The following PAPLN variants were observed in gnomAD, a reference collection of about 807,000 sequenced individuals.
The protein encoded by PAPLN is papilin.
Under a neutral mutation model 159.0 loss-of-function variants are expected in PAPLN, and 146 were observed. That is an observed-to-expected ratio of 0.92 (90% CI 0.80 to 1.05). The LOEUF (loss-of-function observed/expected upper bound fraction) is 1.05, where lower values mean the gene tolerates loss of function less well. Among genes scored for constraint, PAPLN ranks in the 50% least tolerant of loss-of-function variants. The pLI is 0.00. For synonymous variants in PAPLN, 734 were observed against 702.9 expected, an observed-to-expected ratio of 1.04 and a Z score of -0.70; for missense variants, 1,720 against 1,743.9, an observed-to-expected ratio of 0.99 and a Z score of 0.24.
chr14:73,247,736 G>C (rs1173176318), intron 5 of PAPLN, among the ~76,000 whole-genome samples: 1 of 119,312 alleles, frequency 8.4e-6, no homozygotes, highest in Admixed American at 8.1e-5. Context: ...TCCTCTGTGC[G>C]TGTGTGTGTG....
Position 73,268,735 on chromosome 14 carries a change from C to G in PAPLN, c.3667+12C>G. On this transcript the variant is annotated intron_variant, in intron 26 of 26. Coordinates refer to ENST00000644200, the MANE Select transcript of PAPLN (RefSeq NM_001365906.3). Reference sequence around the variant, plus strand: ...GGTGGTCTCACCAGGTAGGAAAGGTCTATATCCGGGGATGGGAAGGACATT... The same window carrying G: ...GGTGGTCTCACCAGGTAGGAAAGGTGTATATCCGGGGATGGGAAGGACATT... The G allele has an allele frequency of 6.3e-7, 1 of 1,596,520 alleles. No homozygotes were observed. Among genetic ancestry groups the G allele is most frequent in the Non-Finnish European group, 8.5e-7 (1 of 1,170,664 alleles).
Position 73,252,130 on chromosome 14 carries a change from A to C in PAPLN, c.956A>C (p.Glu319Ala). 6.2e-7 allele frequency: 1 copy of C among 1,604,490 alleles called. No individual in the cohort carries two copies. Among genetic ancestry groups the C allele is most frequent in the Non-Finnish European group, 8.5e-7 (1 of 1,175,592 alleles). ...SHGSWSDCSA[E>A]CGGGHQSRLV... Reference sequence around the variant, plus strand: ...GGCTCATGGAGTGACTGCAGCGCGGAGTGTGGCGGAGGTGCGGGCGTGGAT... The same window carrying C: ...GGCTCATGGAGTGACTGCAGCGCGGCGTGTGGCGGAGGTGCGGGCGTGGAT... Residue 319 changes from glutamate to alanine, a missense_variant, in exon 10 of 27, where the codon GAG (glutamate) becomes GCG (alanine). Physicochemically the swap from Glu to Ala is moderately radical, Grantham distance 107. Transcript: ENST00000644200.
At position 73,254,615 on chromosome 14, in the gene PAPLN, C is replaced by A. The variant is rs148526413; in HGVS notation, c.1405C>A (p.Pro469Thr). ...HTAACSLEDR[P>T]PLTEPCVHED... ...CGCAGCGTGCTCCTTGGAAGACCGG[C>A]CACCTCTGACTGAGCCCTGTGTGCA... Residue 469 changes from proline to threonine, a missense_variant, in exon 13 of 27, where the codon CCA becomes ACA. Coordinates refer to ENST00000644200, the MANE Select transcript of PAPLN (RefSeq NM_001365906.3). 2 of 1,614,030 alleles carry A rather than the reference C, an allele frequency of 1.2e-6. No individual in the cohort carries two copies. The highest frequency in any genetic ancestry group is 3.3e-5 in the Admixed American group (2 of 60,016).
At position 73,246,185 on chromosome 14, in the gene PAPLN, G is replaced by T. The variant is rs1478638603; in HGVS notation, c.334+10G>T. On this transcript the variant is annotated intron_variant, in intron 5 of 26. Coordinates refer to ENST00000644200, the MANE Select transcript of PAPLN (RefSeq NM_001365906.3). ...CTGCCCTACTACAGCGGTGAGCGCG[G>T]CCGGGACTCGCTCTCTCGGGGCCTC... 1.9e-6 allele frequency: 3 copies of T among 1,564,746 alleles called. No individual in the cohort carries two copies. The highest frequency in any genetic ancestry group is 1.2e-5 in the South Asian group (1 of 85,260).
rs562890068 is a variant in PAPLN, at chr14:73,257,753, CTTTTTTTTTT to C, written c.1628-1207_1628-1198del. Among the ~76,000 whole-genome samples the C allele has an allele frequency of 7.8e-3, 712 of 91,274 alleles. 6 individuals are homozygous for C. The highest frequency in any genetic ancestry group is 0.024 in the African/African-American group (595 of 24,690). The allele number at this position is 91,274 out of a possible 152,430, so 59.9% of individuals were successfully genotyped here. A position where few individuals can be genotyped will look rare whatever the true frequency, so the allele number is the denominator to read the frequency against. Reference sequence around the variant, plus strand: ...GTTTTCATTATCTAGTCTCTTTCTTCTTTTTTTTTTTTTTTTTTTTTTTTTTTTGAGACCT... The same window carrying C: ...GTTTTCATTATCTAGTCTCTTTCTTCTTTTTTTTTTTTTTTTTTGAGACCT... On this transcript the variant is annotated intron_variant, in intron 14 of 26. Transcript: ENST00000644200.
At chr14:73,261,387 A>C in intron 18 of PAPLN, 93 bp downstream of exon 18, 1 of 1,483,544 alleles carries the variant, frequency 6.7e-7, no homozygotes. Context: ...CCTTCCTACC[A>C]GCTCAGTTAT....
At chr14:73,268,450 A>AG in intron 25 of PAPLN, 107 bp from the exon 26 acceptor site, 1 of 1,181,978 alleles carries the variant, frequency 8.5e-7, no homozygotes, top group East Asian at 2.6e-5. Flanking sequence ...TTTGCTCTCA[A>AG]GGGGTGGGAA....
At position 73,262,355 on chromosome 14, in the gene PAPLN, C is replaced by T; in HGVS notation, c.2251C>T (p.Pro751Ser). 3.7e-6 allele frequency: 6 copies of T among 1,610,496 alleles called. No homozygotes were observed. The highest frequency in any genetic ancestry group is 1.1e-5 in the South Asian group (1 of 90,646). Residue 751 changes from proline (P) to serine (S), a missense_variant, in exon 19 of 27, where the codon CCC (proline) becomes TCC (serine). By Grantham distance (74) the Pro-to-Ser change is moderately conservative (BLOSUM62 -1). Coordinates refer to ENST00000644200, the MANE Select transcript of PAPLN (RefSeq NM_001365906.3). ...GCVGQPSHAY[P>S]VRCLLPSAHG... ...ATCACACCCATGCCCTGCAGCCTAC[C>T]CCGTGCGGTGCCTGCTGCCCAGTGC...
At chr14:73,241,598 G>C (rs1002808905) in intron 2 of PAPLN, among the ~76,000 whole-genome samples, 7 of 152,224 alleles carry the variant, frequency 4.6e-5, no homozygotes, top group African/African-American at 1.7e-4. Context: ...GTCTCAGATG[G>C]GGCTGGGCGC....
Position 73,273,941 on chromosome 14 carries a change from C to T in PAPLN, c.*1277C>T, listed in dbSNP as rs932256. The stretch of plus-strand genomic sequence containing the variant: ...AAAGAACTGGAAACGCTCCTTACGT[C>T]GAGATGTTGGACCTTGAAGCCCTCC... On this transcript the variant is annotated 3_prime_UTR_variant, in exon 27 of 27. Transcript: ENST00000644200. 4 of 152,122 alleles carry T rather than the reference C, an allele frequency of 2.6e-5. No homozygotes were observed. The highest frequency in any genetic ancestry group is 1.3e-4 in the Admixed American group (2 of 15,280). 9.4% of individuals were successfully genotyped at this position (152,122 alleles called of 1,614,324 possible).
chr14:73,253,138 CA>C (rs765194627), intron 11 of PAPLN: 2 of 1,384,980 alleles, frequency 1.4e-6, no homozygotes, highest in African/African-American at 2.9e-5. Flanking sequence ...TGGCATCGGC[CA>C]TGGCTTTGTT....
intron 22 of PAPLN, 104 bp downstream of exon 22, chr14:73,264,830 G>C (rs1303767032): frequency 6.4e-7 from 1 of 1,551,482 alleles, no homozygotes; most frequent in Non-Finnish European, 8.7e-7. Context: ...GGCCTTGCCA[G>C]CCCCTGCTCA....
upstream of PAPLN, among the ~76,000 whole-genome samples, chr14:73,237,173 G>A (rs1418046940): frequency 6.6e-6 from 1 of 152,162 alleles, no homozygotes; most frequent in African/African-American, 2.4e-5. Flanking sequence ...AGAAGGTGGT[G>A]GCTGGACACA....
intron 5 of PAPLN, among the ~76,000 whole-genome samples, chr14:73,247,650 CTGTGTG>C (rs1179959339): frequency 4.7e-5 from 6 of 128,150 alleles, no homozygotes; most frequent in African/African-American, 1.9e-4. Flanking sequence ...GTCTCTTATC[CTGTGTG>C]TGTGTGCGTG....
chr14:73,260,608 C>T, intron 16 of PAPLN, 101 bp from the exon 17 acceptor site: 1 of 1,342,752 alleles, frequency 7.4e-7, no homozygotes. Flanking sequence ...AGGTCCCCAC[C>T]CTGTCAGCCC....
chr14:73,258,618 T>TAAAAAAAAAAACAAAAAAAAAAAAAAAAA (rs1886189298), intron 14 of PAPLN, among the ~76,000 whole-genome samples: 1 of 75,788 alleles, frequency 1.3e-5, no homozygotes, highest in African/African-American at 5.3e-5. Context: ...ACCCTATCTC[T>TAAAAAAAAAAACAAAAAAAAAAAAAAAAA]AAAAAAAAAA....
At chr14:73,248,006 GTGTGTGTGTGTGTGTGTGTGTGTT>G in intron 5 of PAPLN, among the ~76,000 whole-genome samples, 1 of 104,278 alleles carries the variant, frequency 9.6e-6, no homozygotes, top group African/African-American at 4.3e-5. Context: ...GTGTGTGTGT[GTGTGTGTGTGTGTGTGTGTGTGTT>G]GGGATTGTGG....
chr14:73,257,233 A>G (rs137971455), intron 14 of PAPLN, among the ~76,000 whole-genome samples: 274 of 152,246 alleles, frequency 1.8e-3, no homozygotes, highest in African/African-American at 6.4e-3. Context: ...TAGCCTCTCA[A>G]AGTGCTGGGA....
intron 2 of PAPLN, among the ~76,000 whole-genome samples, chr14:73,242,280 G>A (rs967574219): frequency 3.3e-5 from 5 of 152,204 alleles, no homozygotes; most frequent in African/African-American, 1.2e-4. Context: ...CCTTGTTCAG[G>A]CCAGTCCTGC....
Sources: gnomAD v4.1 joint callset for allele counts (sites outside exome capture counted in the v4.1 genomes callset) on GRCh38, gnomAD v4.1.1 for gene constraint, MANE v1.5 for transcripts, NCBI Gene and HGNC (gene_info 2026-07-23, HGNC 2026-07-21) for gene names.